The following CACNA2D4 variants were observed in gnomAD, a reference collection of about 807,000 sequenced individuals.
The protein encoded by CACNA2D4 is voltage-dependent calcium channel subunit alpha-2/delta-4.
In CACNA2D4, 157 loss-of-function variants were observed where a neutral mutation model predicts 163.8. The observed-to-expected ratio is 0.96, with a 90% CI of 0.84 to 1.09. The LOEUF (loss-of-function observed/expected upper bound fraction) is 1.09, where lower values mean the gene tolerates loss of function less well. Among genes scored for constraint, CACNA2D4 ranks in the 50% least tolerant of loss-of-function variants. The pLI, the probability that CACNA2D4 is intolerant of heterozygous loss-of-function variation, is 0.00. For missense variants in CACNA2D4, 1,410 were observed against 1,479.9 expected (o/e 0.95, Z 0.78); for synonymous variants, 598 against 586.9 (o/e 1.02, Z -0.27).
intron 16 of CACNA2D4, among the ~76,000 whole-genome samples, chr12:1,876,737 G>GA (rs917257764): frequency 6.6e-6 from 1 of 152,012 alleles, no homozygotes; most frequent in African/African-American, 2.4e-5. Context: ...TCTTATTAAT[G>GA]ACCATACTCA....
chr12:1,889,469 A>G (rs1446365105), intron 6 of CACNA2D4, among the ~76,000 whole-genome samples: 4 of 152,354 alleles, frequency 2.6e-5, no homozygotes, highest in African/African-American at 7.2e-5. Flanking sequence ...TTGACTGAGT[A>G]GAGAGCAAAA....
At chr12:1,826,869 G>A (rs1434275483) in intron 26 of CACNA2D4, among the ~76,000 whole-genome samples, 2 of 152,248 alleles carry the variant, frequency 1.3e-5, no homozygotes, top group African/African-American at 2.4e-5. Context: ...GACAGGCCAA[G>A]ATTCTGGGCT....
intron 26 of CACNA2D4, among the ~76,000 whole-genome samples, chr12:1,812,910 C>T (rs1026356989): frequency 5.3e-5 from 8 of 152,200 alleles, no homozygotes; most frequent in African/African-American, 1.9e-4. Flanking sequence ...CCGTCACAGT[C>T]ATTCTCACTT....
intron 37 of CACNA2D4, among the ~76,000 whole-genome samples, chr12:1,794,144 A>G (rs1420367019): frequency 6.6e-6 from 1 of 152,158 alleles, no homozygotes; most frequent in Non-Finnish European, 1.5e-5. Flanking sequence ...TATGACTATT[A>G]TCCACGTGAC....
chr12:1,838,802 G>A (rs1364328104), intron 26 of CACNA2D4, among the ~76,000 whole-genome samples: 2 of 152,188 alleles, frequency 1.3e-5, no homozygotes, highest in African/African-American at 2.4e-5. Flanking sequence ...CATCACGTGG[G>A]AGCAGCACAG....
In CACNA2D4 at chr12:1,878,195, A is replaced by G. The variant is rs1865919761; in HGVS notation, c.1719+120T>C. Reference sequence around the variant, plus strand: ...ATGACTCGAATACATTTTTTTTCTCATATTACCCACTGGGTTCCTAAATGG... The same window carrying G: ...ATGACTCGAATACATTTTTTTTCTCGTATTACCCACTGGGTTCCTAAATGG... On this transcript the variant is annotated intron_variant, in intron 16 of 37. Transcript: ENST00000382722. This position sits in a 1 kb window ranked among gnomAD's most constrained non-coding sequence, Gnocchi z 4.6. 1.8e-6 allele frequency: 2 copies of G among 1,111,562 alleles called. No homozygotes were observed. Among genetic ancestry groups the G allele is most frequent in the Non-Finnish European group, 2.7e-6 (2 of 753,550 alleles). 68.9% of individuals were successfully genotyped at this position (1,111,562 alleles called of 1,614,324 possible). A position where few individuals can be genotyped will look rare whatever the true frequency, so the allele number is the denominator to read the frequency against.
At position 1,802,945 on chromosome 12, in the gene CACNA2D4, CAA is replaced by C. The variant is rs1221220828; in HGVS notation, c.2722-1303_2722-1302del. On this transcript the variant is annotated intron_variant, in intron 29 of 37. Transcript: ENST00000382722. The surrounding 1 kb of genome is among the most constrained non-coding windows in gnomAD (Gnocchi z 4.7). ...ATGTCTTACTCATCTCTGAATTCCC[CAA>C]AGTGTCTTGGTACCTGGACATACTC... Among the ~76,000 whole-genome samples the C allele has an allele frequency of 6.6e-6, 1 of 152,192 alleles. No individual in the cohort carries two copies. Among genetic ancestry groups the C allele is most frequent in the Admixed American group, 6.5e-5 (1 of 15,284 alleles).
chr12:1,918,363 G>T lies in CACNA2D4; in HGVS notation c.111C>A (p.Leu37=). The change falls in exon 1 of 38, where the codon CTC becomes CTA. Residue 37 remains leucine, a synonymous_variant. Coordinates refer to ENST00000382722, the MANE Select transcript of CACNA2D4 (RefSeq NM_172364.5). ...NPSSSSRWIP[L]QPMPVAWAFV... is the part of the protein sequence containing the mutation. The stretch of plus-strand genomic sequence containing the variant: ...AGGCCCAGGCCACGGGCATTGGCTG[G>T]AGGGGAATCCAGCGGCTGCTGGAGC... The T allele has an allele frequency of 6.2e-7, 1 of 1,607,068 alleles. No individual in the cohort carries two copies. Among genetic ancestry groups the T allele is most frequent in the East Asian group, 2.2e-5 (1 of 44,638 alleles).
At chr12:1,830,304 C>G (rs535735200) in intron 26 of CACNA2D4, among the ~76,000 whole-genome samples, 1 of 152,212 alleles carries the variant, frequency 6.6e-6, no homozygotes, top group Non-Finnish European at 1.5e-5. Context: ...AAACTGCTGG[C>G]GTCATCATGG....
intron 26 of CACNA2D4, among the ~76,000 whole-genome samples, chr12:1,838,734 C>G (rs1007263440): frequency 1.3e-5 from 2 of 152,212 alleles, no homozygotes; most frequent in East Asian, 1.9e-4. Flanking sequence ...AGCCAGCAGC[C>G]TGACCCCCTG....
chr12:1,881,218 C>T (rs1469027869), intron 13 of CACNA2D4, among the ~76,000 whole-genome samples: 2 of 152,222 alleles, frequency 1.3e-5, no homozygotes, highest in Non-Finnish European at 2.9e-5. Context: ...GAAGATCAAA[C>T]TGTGAACTGT....
At chr12:1,817,116 G>C (rs1014626148) in intron 26 of CACNA2D4, among the ~76,000 whole-genome samples, 3 of 152,170 alleles carry the variant, frequency 2.0e-5, no homozygotes, top group African/African-American at 7.2e-5. Flanking sequence ...GGCATGAGAG[G>C]GATCATCTTT....
chr12:1,802,964 G>A lies in CACNA2D4; in HGVS notation c.2722-1320C>T, dbSNP rs1863390753. 6.6e-6 allele frequency among the ~76,000 whole-genome samples: 1 copy of A among 152,212 alleles called. No homozygotes were observed. Among genetic ancestry groups the A allele is most frequent in the Non-Finnish European group, 1.5e-5 (1 of 68,042 alleles). The stretch of plus-strand genomic sequence containing the variant: ...ATTCCCCAAAGTGTCTTGGTACCTG[G>A]ACATACTCAGTCAGTGTGGAATGTT... On this transcript the variant is annotated intron_variant, in intron 29 of 37. Transcript: ENST00000382722. The surrounding 1 kb of genome is among the most constrained non-coding windows in gnomAD (Gnocchi z 4.7).
intron 18 of CACNA2D4, among the ~76,000 whole-genome samples, chr12:1,868,383 T>G (rs934479843): frequency 6.6e-6 from 1 of 152,052 alleles, no homozygotes; most frequent in African/African-American, 2.4e-5. Context: ...GTGATCTCAC[T>G]TATATGTGGA....
In CACNA2D4 at chr12:1,792,052, A is replaced by G. The variant is rs1412728616; in HGVS notation, c.*1603T>C. 2.0e-5 allele frequency: 3 copies of G among 151,884 alleles called. No individual in the cohort carries two copies. The highest frequency in any genetic ancestry group is 4.2e-4 in the South Asian group (2 of 4,806). 9.4% of individuals were successfully genotyped at this position (151,884 alleles called of 1,614,324 possible). A position where few individuals can be genotyped will look rare whatever the true frequency, so the allele number is the denominator to read the frequency against. On this transcript the variant is annotated 3_prime_UTR_variant, in exon 38 of 38. Coordinates refer to ENST00000382722, the MANE Select transcript of CACNA2D4 (RefSeq NM_172364.5). ...AATACATCACATTCAATCTTCATAC[A>G]CTCTTCCGGTAATTTGGAGGCAATT...
intron 26 of CACNA2D4, among the ~76,000 whole-genome samples, chr12:1,821,338 C>G (rs1185830706): frequency 1.3e-5 from 2 of 152,162 alleles, no homozygotes; most frequent in Non-Finnish European, 2.9e-5. Flanking sequence ...CTGGGCCTCC[C>G]TATAGCTTGC....
intron 30 of CACNA2D4, among the ~76,000 whole-genome samples, chr12:1,801,366 G>T (rs1427895695): frequency 2.0e-5 from 3 of 152,300 alleles, no homozygotes; most frequent in Non-Finnish European, 4.4e-5. Context: ...TCTGAGCTGC[G>T]GAGCCCCTCC....
Position 1,856,164 on chromosome 12 carries a change from AT to A in CACNA2D4, c.2054+19del. ...AAAACATTCCACCTGTCTCCCTCCC[AT>A]TTTTTACTCCTCACTTACCAGTCAC... On this transcript the variant is annotated intron_variant, in intron 21 of 37. Coordinates refer to ENST00000382722, the MANE Select transcript of CACNA2D4 (RefSeq NM_172364.5). 6.2e-7 allele frequency: 1 copy of A among 1,613,838 alleles called. No individual in the cohort carries two copies.
At chr12:1,804,680 A>ATG (rs765448789) in intron 29 of CACNA2D4, among the ~76,000 whole-genome samples, 7 of 152,224 alleles carry the variant, frequency 4.6e-5, no homozygotes, top group African/African-American at 7.2e-5. Context: ...GGCCAATGGA[A>ATG]TGTGAGCAGA....
Sources: gnomAD v4.1 joint callset for allele counts (sites outside exome capture counted in the v4.1 genomes callset) on GRCh38, gnomAD v4.1.1 for gene constraint, Gnocchi (gnomAD v3.1) non-coding constraint, MANE v1.5 for transcripts, NCBI Gene and HGNC (gene_info 2026-07-23, HGNC 2026-07-21) for gene names.